RGS5: variants seen among roughly 807,000 people sequenced by gnomAD.
RGS5 encodes the protein regulator of G-protein signalling 5.
Under a neutral mutation model 18.9 loss-of-function variants are expected in RGS5, and 20 were observed. The observed-to-expected ratio is 1.06, with a 90% CI of 0.74 to 1.54. RGS5 has a LOEUF of 1.54. RGS5 is among the 40% of genes most tolerant of loss of function. The pLI is 0.00. For synonymous variants in RGS5, 57 were observed against 76.2 expected (o/e 0.75, Z 1.31); for missense variants, 201 against 211.8 (o/e 0.95, Z 0.32).
chr1:163,202,745 G>T (rs371852995), intron 1 of RGS5, 47 bp downstream of exon 1: 16 of 1,582,754 alleles, frequency 1.0e-5, no homozygotes, highest in Non-Finnish European at 1.4e-5. Context: ...CTTGAGTAAA[G>T]ATTCTCCATA....
intron 1 of RGS5, among the ~76,000 whole-genome samples, chr1:163,321,037 G>T (rs1650189330): frequency 6.6e-6 from 1 of 152,126 alleles, no homozygotes; most frequent in Non-Finnish European, 1.5e-5. Context: ...TGACAACCAG[G>T]CCTGCCATGG....
In RGS5 at chr1:163,198,206, G is replaced by A. The variant is rs185307117; in HGVS notation, c.44+4586C>T. Among the ~76,000 whole-genome samples the A allele has an allele frequency of 5.7e-4, 87 of 152,144 alleles. 2 individuals are homozygous for A. The highest frequency in any genetic ancestry group is 1.7e-3 in the African/African-American group (71 of 41,534). ...TAAAATAAATTTAAAAATAATAAAT[G>A]TTTGAAAATTACCTTTCCCATTTAC... On this transcript the variant is annotated intron_variant, in intron 1 of 4. Coordinates refer to ENST00000313961, the MANE Select transcript of RGS5 (RefSeq NM_003617.4).
chr1:163,220,813 G>C (rs892867398), upstream of RGS5, among the ~76,000 whole-genome samples: 1 of 152,124 alleles, frequency 6.6e-6, no homozygotes, highest in African/African-American at 2.4e-5. Context: ...GAGCAAGGCA[G>C]GAGGATCAGA....
chr1:163,168,430 G>T, intron 1 of RGS5, 62 bp from the exon 2 acceptor site: 1 of 1,205,880 alleles, frequency 8.3e-7, no homozygotes, highest in Non-Finnish European at 1.2e-6. Context: ...TTTAAGAAGA[G>T]ATTTCTTCCT....
At chr1:163,192,602 T>C (rs1348533855) in intron 1 of RGS5, among the ~76,000 whole-genome samples, 1 of 152,216 alleles carries the variant, frequency 6.6e-6, no homozygotes, top group Non-Finnish European at 1.5e-5. Flanking sequence ...ATCTCTGATT[T>C]CAACAAACAA....
chr1:163,231,143 T>A (rs535791855), intron 2 of RGS5, among the ~76,000 whole-genome samples: 1 of 152,302 alleles, frequency 6.6e-6, no homozygotes, highest in East Asian at 1.9e-4. Context: ...AGTACAAAGA[T>A]AACATTCAGA....
chr1:163,281,376 T>C (rs12724399), intron 2 of RGS5, among the ~76,000 whole-genome samples: 22,283 of 152,172 alleles, frequency 0.15, 1,957 homozygotes, highest in Non-Finnish European at 0.19. Context: ...TAGCATCTGC[T>C]TCTGGTGAGA....
Position 163,174,257 on chromosome 1 carries a change from T to C in RGS5, c.45-5889A>G, listed in dbSNP as rs567567577. ...ATTTATATCTCCATATGTATATGTA[T>C]ATGCGAATATTGTCTATCTCTCCCA... On this transcript the variant is annotated intron_variant, in intron 1 of 4. Transcript: ENST00000313961. Among the ~76,000 whole-genome samples the C allele has an allele frequency of 2.0e-5, 3 of 152,336 alleles. No individual in the cohort carries two copies. The East Asian group carries it at 5.8e-4, about 29-fold the overall frequency.
chr1:163,153,846 C>A (rs1387988009), intron 3 of RGS5, among the ~76,000 whole-genome samples: 1 of 147,418 alleles, frequency 6.8e-6, no homozygotes, highest in African/African-American at 2.5e-5. Context: ...ATATATAAAC[C>A]AAAATTCTAA....
chr1:163,298,687 A>T (rs76214291), intron 2 of RGS5, among the ~76,000 whole-genome samples: 3,010 of 152,186 alleles, frequency 0.02, 50 homozygotes, highest in Admixed American at 0.041. Context: ...CTGTGAGTTA[A>T]TCTTCCTTCA....
intron 1 of RGS5, among the ~76,000 whole-genome samples, chr1:163,310,400 C>G (rs1649822179): frequency 6.6e-6 from 1 of 151,060 alleles, no homozygotes; most frequent in African/African-American, 2.4e-5. Context: ...CGGTGAAACC[C>G]CATCTCTACT....
chr1:163,299,863 C>T (rs899327749), intron 2 of RGS5, among the ~76,000 whole-genome samples: 2 of 152,178 alleles, frequency 1.3e-5, no homozygotes, highest in African/African-American at 4.8e-5. Context: ...ACCAATGGTG[C>T]CCCCAGTGTT....
chr1:163,286,531 T>C (rs1417401328), intron 2 of RGS5, among the ~76,000 whole-genome samples: 1 of 152,168 alleles, frequency 6.6e-6, no homozygotes, highest in Admixed American at 6.5e-5. Context: ...ATTCGTCTAT[T>C]TTATAAAATG....
intron 2 of RGS5, among the ~76,000 whole-genome samples, chr1:163,269,495 G>C (rs974518587): frequency 6.6e-5 from 10 of 152,110 alleles, no homozygotes; most frequent in Non-Finnish European, 1.2e-4. Context: ...ATCAAAGAAA[G>C]TTCTATGTTC....
At chr1:163,171,528 G>T (rs965172444) in intron 1 of RGS5, among the ~76,000 whole-genome samples, 4 of 152,076 alleles carry the variant, frequency 2.6e-5, no homozygotes, top group Non-Finnish European at 5.9e-5. Flanking sequence ...TTTCTGTTTG[G>T]TTGGTTGTTT....
chr1:163,282,170 T>C (rs1649012246), intron 2 of RGS5, among the ~76,000 whole-genome samples: 2 of 152,198 alleles, frequency 1.3e-5, no homozygotes, highest in African/African-American at 4.8e-5. Context: ...GGAGAAAATA[T>C]TTGCAAACTA....
chr1:163,180,223 G>A (rs1206888604), intron 1 of RGS5, among the ~76,000 whole-genome samples: 3 of 152,126 alleles, frequency 2.0e-5, no homozygotes, highest in Non-Finnish European at 2.9e-5. Context: ...TGATCCACCC[G>A]CCTCGGCCTC....
intron 2 of RGS5, among the ~76,000 whole-genome samples, chr1:163,278,026 T>C (rs1209083532): frequency 6.6e-6 from 1 of 151,208 alleles, no homozygotes; most frequent in African/African-American, 2.4e-5. Flanking sequence ...TTTTAAACAT[T>C]TGCAAAAAAA....
chr1:163,155,462 C>T (rs754873506), intron 3 of RGS5, among the ~76,000 whole-genome samples: 7 of 152,066 alleles, frequency 4.6e-5, no homozygotes, highest in Admixed American at 6.5e-5. Context: ...ATATTGTATT[C>T]GTCTGCAAGA....
Sources: gnomAD v4.1 joint callset for allele counts (sites outside exome capture counted in the v4.1 genomes callset) on GRCh38, gnomAD v4.1.1 for gene constraint, MANE v1.5 for transcripts, NCBI Gene and HGNC (gene_info 2026-07-23, HGNC 2026-07-21) for gene names.